CEP350: variants seen among roughly 807,000 people sequenced by gnomAD.
CEP350 encodes the protein centrosomal protein 350.
In CEP350, 126 loss-of-function variants were observed where a neutral mutation model predicts 331.8. The observed-to-expected ratio is 0.38, with a 90% CI of 0.33 to 0.44. The LOEUF is 0.44. Ranked by LOEUF, CEP350 falls within the 20% of genes least tolerant of loss-of-function variation. The pLI, the probability that CEP350 is intolerant of heterozygous loss-of-function variation, is 1.00. For synonymous variants in CEP350, 1,200 were observed against 1,259.5 expected, an observed-to-expected ratio of 0.95 and a Z score of 1.00; for missense variants, 3,406 against 3,634.6, an observed-to-expected ratio of 0.94 and a Z score of 1.62.
At chr1:179,981,655 A>T (rs1652277612) in intron 1 of CEP350, among the ~76,000 whole-genome samples, 1 of 152,184 alleles carries the variant, frequency 6.6e-6, no homozygotes, top group Non-Finnish European at 1.5e-5. Context: ...AAGATAGATT[A>T]TTGGCAAATT....
intron 12 of CEP350, among the ~76,000 whole-genome samples, chr1:180,021,997 T>C (rs1655353559): frequency 6.6e-6 from 1 of 152,180 alleles, no homozygotes; most frequent in Non-Finnish European, 1.5e-5. Context: ...ACTAACATTA[T>C]CTTAGAATTT....
chr1:180,079,481 T>A (rs1400501246), intron 29 of CEP350, among the ~76,000 whole-genome samples: 3 of 151,898 alleles, frequency 2.0e-5, no homozygotes, highest in Non-Finnish European at 4.4e-5. Flanking sequence ...GAAAAACATA[T>A]TTTATTCATT....
chr1:180,067,964 G>A (rs890734625), intron 27 of CEP350, among the ~76,000 whole-genome samples: 3 of 152,136 alleles, frequency 2.0e-5, no homozygotes, highest in African/African-American at 7.2e-5. Flanking sequence ...CTGCTACTTC[G>A]TGAACAACAA....
At chr1:180,080,738 T>C in intron 30 of CEP350, 77 bp downstream of exon 30, 1 of 1,295,496 alleles carries the variant, frequency 7.7e-7, no homozygotes, top group Non-Finnish European at 1.1e-6. Context: ...AAGGAGTTTG[T>C]TGACCTTAGG....
chr1:180,047,320 A>C (rs371455219), intron 21 of CEP350, among the ~76,000 whole-genome samples: 9 of 152,236 alleles, frequency 5.9e-5, no homozygotes, highest in African/African-American at 2.2e-4. Context: ...AGGAATAGCC[A>C]AAATCAGAAG....
intron 31 of CEP350, among the ~76,000 whole-genome samples, chr1:180,086,618 T>C (rs1659880089): frequency 6.6e-6 from 1 of 152,128 alleles, no homozygotes; most frequent in Non-Finnish European, 1.5e-5. Context: ...ACAGATTTAA[T>C]AAATGGACTG....
At chr1:180,109,882 G>A (rs769671637) in intron 37 of CEP350, among the ~76,000 whole-genome samples, 6 of 152,052 alleles carry the variant, frequency 3.9e-5, no homozygotes, top group Non-Finnish European at 8.8e-5. Flanking sequence ...TGATCCACCC[G>A]CCTAGGCCTC....
chr1:179,955,459 T>A lies in CEP350; in HGVS notation c.-14+317T>A, dbSNP rs200145584. ...CCTTTGCTGCCCGGAGAAGTGTCCC[T>A]TCTTCATCTGGCGATCAGGCGTATT... On this transcript the variant is annotated intron_variant, in intron 1 of 37. Transcript: ENST00000367607. Among the ~76,000 whole-genome samples the A allele has an allele frequency of 3.3e-5, 5 of 152,300 alleles. No individual in the cohort carries two copies. The East Asian group carries it at 9.7e-4, about 29-fold the overall frequency.
At chr1:180,028,065 T>A (rs956121754) in intron 14 of CEP350, among the ~76,000 whole-genome samples, 1 of 152,236 alleles carries the variant, frequency 6.6e-6, no homozygotes, top group African/African-American at 2.4e-5. Context: ...AAACTGTATT[T>A]TCTTGTGAAA....
chr1:180,041,046 T>G, intron 17 of CEP350, 92 bp from the exon 18 acceptor site: 1 of 897,054 alleles, frequency 1.1e-6, no homozygotes, highest in Non-Finnish European at 1.7e-6. Context: ...CTTCAAATGA[T>G]TTGTATTAGT....
intron 25 of CEP350, among the ~76,000 whole-genome samples, chr1:180,057,427 A>T (rs1026910927): frequency 5.3e-5 from 8 of 151,212 alleles, no homozygotes; most frequent in Non-Finnish European, 4.4e-5. Context: ...CTTATTATCC[A>T]TAGTTATTTT....
At chr1:180,004,957 CCTCT>C (rs1456557827) in intron 7 of CEP350, among the ~76,000 whole-genome samples, 4 of 45,514 alleles carry the variant, frequency 8.8e-5, no homozygotes, top group African/African-American at 2.2e-4. Context: ...CTTTCTTTCC[CCTCT>C]CTCTCTTTTT....
chr1:179,964,258 T>G (rs756084247), intron 1 of CEP350, among the ~76,000 whole-genome samples: 1 of 152,162 alleles, frequency 6.6e-6, no homozygotes, highest in Non-Finnish European at 1.5e-5. Context: ...TTTGAGTTTC[T>G]CTTTTCCTAT....
At chr1:180,079,993 G>A (rs1019462050) in intron 29 of CEP350, among the ~76,000 whole-genome samples, 1 of 152,116 alleles carries the variant, frequency 6.6e-6, no homozygotes, top group African/African-American at 2.4e-5. Flanking sequence ...TAATCCCCAA[G>A]CTAGGAAATT....
rs144436526 is a variant in CEP350, at chr1:180,034,064, A to C, written c.3928A>C (p.Asn1310His). The C allele has an allele frequency of 6.2e-7, 1 of 1,613,740 alleles. No individual in the cohort carries two copies. The highest frequency in any genetic ancestry group is 8.5e-7 in the Non-Finnish European group (1 of 1,179,728). ...NPAASRTTTE[N>H]MAPIPGSKRF... ...GGCAGCCAGCAGAACAACGACAGAG[A>C]ACATGGCTCCAATACCAGGTAAGTA... Residue 1310 changes from asparagine (N) to histidine (H), a missense_variant, in exon 16 of 38, where the codon AAC (asparagine) becomes CAC (histidine). Around this residue, in one of 5 missense-constraint regions of CEP350, gnomAD observed 1,857 missense variants for 1,909.2 expected, o/e 0.97. Coordinates refer to ENST00000367607, the MANE Select transcript of CEP350 (RefSeq NM_014810.5).
rs989265126 is a variant in CEP350 at position 180,011,976 on chromosome 1, T to C, written c.1294T>C (p.Leu432=). 39 of 1,599,940 alleles carry C rather than the reference T, an allele frequency of 2.4e-5. No homozygotes were observed. The highest frequency in any genetic ancestry group is 3.3e-5 in the Non-Finnish European group (39 of 1,172,426). Residue 432 remains leucine (L), a synonymous_variant, in exon 9 of 38, where the codon TTA becomes CTA. Transcript: ENST00000367607. The stretch of plus-strand genomic sequence containing the variant: ...ATCTTCTTGGCGAGATGGACAAAAA[T>C]TAGTAAAGAAGATTCTGGGACCTGC... The part of the protein sequence containing the change: ...STSSWRDGQK[L]VKKILGPAPR...
chr1:180,034,611 A>G (rs1656232277), intron 16 of CEP350, among the ~76,000 whole-genome samples: 2 of 151,666 alleles, frequency 1.3e-5, no homozygotes, highest in Admixed American at 6.6e-5. Flanking sequence ...CAGGCTTTCC[A>G]TTATTACTAT....
At chr1:180,051,405 A>G (rs1434222216) in intron 22 of CEP350, among the ~76,000 whole-genome samples, 1 of 152,202 alleles carries the variant, frequency 6.6e-6, no homozygotes, top group African/African-American at 2.4e-5. Flanking sequence ...AAAAGCCACA[A>G]CTAAAGAGTT....
intron 27 of CEP350, among the ~76,000 whole-genome samples, chr1:180,074,639 G>T (rs1486687286): frequency 6.6e-6 from 1 of 152,138 alleles, no homozygotes; most frequent in Non-Finnish European, 1.5e-5. Flanking sequence ...CGGGTTTTGT[G>T]TGTTTTCTGG....
Sources: gnomAD v4.1 joint callset for allele counts (sites outside exome capture counted in the v4.1 genomes callset) on GRCh38, gnomAD v4.1.1 for gene constraint, gnomAD v4.1.1 regional missense constraint, MANE v1.5 for transcripts, NCBI Gene and HGNC (gene_info 2026-07-23, HGNC 2026-07-21) for gene names.